ITGAM: variants seen among roughly 807,000 people sequenced by gnomAD.
The protein encoded by ITGAM is integrin subunit alpha M.
ITGAM carries 79 observed loss-of-function variants against 137.5 expected under a neutral mutation model. The ratio of observed to expected loss-of-function variants is 0.57; its 90% CI spans 0.48 to 0.69. The LOEUF (loss-of-function observed/expected upper bound fraction) is 0.69, where lower values mean the gene tolerates loss of function less well. Ranked by LOEUF, ITGAM falls within the 30% of genes least tolerant of loss-of-function variation. The pLI, the probability that ITGAM is intolerant of heterozygous loss-of-function variation, is 0.00. For missense variants in ITGAM, 1,343 were observed against 1,483.5 expected, an observed-to-expected ratio of 0.91 and a Z score of 1.56; for synonymous variants, 583 against 592.3, an observed-to-expected ratio of 0.98 and a Z score of 0.23.
At chr16:31,321,218 C>T (rs774611621) in intron 14 of ITGAM, 23 bp from the exon 15 acceptor site, 6 of 1,613,368 alleles carry the variant, frequency 3.7e-6, no homozygotes, top group Admixed American at 3.3e-5. Context: ...CTTTCTCTCT[C>T]CACACCTCTT....
chr16:31,289,616 G>A (rs2080065300), intron 12 of ITGAM, among the ~76,000 whole-genome samples: 1 of 152,160 alleles, frequency 6.6e-6, no homozygotes, highest in Non-Finnish European at 1.5e-5. Context: ...TGGGGTGGGG[G>A]AAGGGAGGAG....
At chr16:31,270,688 C>CGTGT (rs200125675) in intron 5 of ITGAM, among the ~76,000 whole-genome samples, 670 of 30,490 alleles carry the variant, frequency 0.022, 107 homozygotes, top group African/African-American at 0.079. Flanking sequence ...TAATTTTTAA[C>CGTGT]GTGTGTGTGT....
intron 12 of ITGAM, among the ~76,000 whole-genome samples, chr16:31,285,675 A>G (rs1483851791): frequency 6.6e-6 from 1 of 152,042 alleles, no homozygotes; most frequent in Non-Finnish European, 1.5e-5. Context: ...TTTGGGGTAC[A>G]TGTATAGGCT....
At position 31,270,837 on chromosome 16, in the gene ITGAM, A is replaced by AT. The variant is rs907042241; in HGVS notation, c.428-111dup. ...ATTTATATATATATTTAACATCTAT[A>AT]TTTTTTATAGAGACGGGGTCCTATA... On this transcript the variant is annotated intron_variant, in intron 5 of 29. Coordinates refer to ENST00000544665, the MANE Select transcript of ITGAM (RefSeq NM_000632.4). 3.1e-5 allele frequency: 12 copies of AT among 390,770 alleles called. No individual in the cohort carries two copies. In the East Asian group the frequency reaches 5.8e-4, roughly 19 times the overall value. 24.2% of individuals were successfully genotyped at this position (390,770 alleles called of 1,614,324 possible). A position where few individuals can be genotyped will look rare whatever the true frequency, so the allele number is the denominator to read the frequency against.
At position 31,260,017 on chromosome 16, in the gene ITGAM, C is replaced by T; in HGVS notation, c.-48C>T. 2 of 1,550,260 alleles carry T rather than the reference C, an allele frequency of 1.3e-6. No individual in the cohort carries two copies. The highest frequency in any genetic ancestry group is 1.8e-6 in the Non-Finnish European group (2 of 1,139,190). On this transcript the variant is annotated 5_prime_UTR_variant, in exon 1 of 30. Transcript: ENST00000544665. ...GCTTCCTTGTGGTTCCTCAGTGGTGCCTGCAACCCCTGGTTCACCTCCTTC... is the reference window on the plus strand; with the variant it reads ...GCTTCCTTGTGGTTCCTCAGTGGTGTCTGCAACCCCTGGTTCACCTCCTTC...
intron 24 of ITGAM, among the ~76,000 whole-genome samples, chr16:31,329,562 G>A (rs1479733054): frequency 1.3e-5 from 2 of 152,196 alleles, no homozygotes; most frequent in South Asian, 2.1e-4. Context: ...AAGAAACTGA[G>A]GCTCAGAGAG....
intron 14 of ITGAM, among the ~76,000 whole-genome samples, chr16:31,315,171 T>C (rs1272576328): frequency 1.3e-5 from 2 of 152,154 alleles, no homozygotes; most frequent in African/African-American, 4.8e-5. Context: ...TCTTTATGTG[T>C]TATGGATATT....
intron 14 of ITGAM, among the ~76,000 whole-genome samples, chr16:31,307,200 T>C (rs571650811): frequency 6.6e-6 from 1 of 152,284 alleles, no homozygotes; most frequent in Non-Finnish European, 1.5e-5. Flanking sequence ...ATTGGTAGCT[T>C]GATGGGGATG....
At chr16:31,271,693 G>T (rs1228420540) in intron 6 of ITGAM, among the ~76,000 whole-genome samples, 154 bp from the exon 7 acceptor site, 1 of 152,188 alleles carries the variant, frequency 6.6e-6, no homozygotes, top group Admixed American at 6.5e-5. Flanking sequence ...GGGAGCTGCT[G>T]GCAGCTCTCC....
At chr16:31,297,084 C>T (rs901673236) in intron 12 of ITGAM, among the ~76,000 whole-genome samples, 17 of 152,186 alleles carry the variant, frequency 1.1e-4, no homozygotes, top group Non-Finnish European at 1.8e-4. Flanking sequence ...TAATAATCTC[C>T]CAGGAATACC....
intron 23 of ITGAM, chr16:31,328,973 G>A (rs2080545171): frequency 1.7e-6 from 1 of 575,958 alleles, no homozygotes; most frequent in Admixed American, 3.1e-5. Context: ...TGTGTCTGAG[G>A]GTCTGTGTGC....
At chr16:31,315,166 A>T (rs1465386208) in intron 14 of ITGAM, among the ~76,000 whole-genome samples, 1 of 151,820 alleles carries the variant, frequency 6.6e-6, no homozygotes, top group East Asian at 1.9e-4. Flanking sequence ...TGAGTTCTTT[A>T]TGTGTTATGG....
intron 3 of ITGAM, 136 bp downstream of exon 3, chr16:31,265,634 TCTCTACCCTAGACATCCCCAGGCAAC>T: frequency 1.3e-6 from 1 of 749,242 alleles, no homozygotes; most frequent in Non-Finnish European, 2.2e-6. Flanking sequence ...CTGCCTGCAG[TCTCTACCCTAGACATCCCCAGGCAAC>T]CCCTCTGTGT....
rs1489526683 is a variant in ITGAM at position 31,331,411 on chromosome 16, T to C, written c.3387+136T>C. 3 of 681,436 alleles carry C rather than the reference T, an allele frequency of 4.4e-6. No individual in the cohort carries two copies. The South Asian group carries it at 5.3e-5, about 12-fold the overall frequency. 42.2% of individuals were successfully genotyped at this position (681,436 alleles called of 1,614,324 possible). ...CTGGGAGCCTCTCTGCGCCTCAGTC[T>C]CTTAGGGAGGGTGGCCGGGTTCATG... On this transcript the variant is annotated intron_variant, in intron 29 of 29. Coordinates refer to ENST00000544665, the MANE Select transcript of ITGAM (RefSeq NM_000632.4).
intron 14 of ITGAM, among the ~76,000 whole-genome samples, chr16:31,316,724 AT>A (rs1212979539): frequency 6.6e-6 from 1 of 152,192 alleles, no homozygotes; most frequent in Admixed American, 6.5e-5. Flanking sequence ...CTTTAAAAAT[AT>A]TCTTTCAATC....
chr16:31,313,728 C>T (rs2080360468), intron 14 of ITGAM, among the ~76,000 whole-genome samples: 1 of 151,970 alleles, frequency 6.6e-6, no homozygotes, highest in Non-Finnish European at 1.5e-5. Context: ...ATTTATAATC[C>T]TTTGGGTATA....
chr16:31,325,214 C>G lies in ITGAM; in HGVS notation c.2364-49C>G, dbSNP rs1288634665. On this transcript the variant is annotated intron_variant, in intron 19 of 29. Coordinates refer to ENST00000544665, the MANE Select transcript of ITGAM (RefSeq NM_000632.4). ...CTGTTCTGCTGGAGCAGGCTTGCCA[C>G]AGGGAAGCCCAGCGCCCCATCCCCC... 7 of 1,571,534 alleles carry G rather than the reference C, an allele frequency of 4.5e-6. No individual in the cohort carries two copies. In the African/African-American group the frequency reaches 9.5e-5, roughly 21 times the overall value.
rs750451834 is a variant in ITGAM, at chr16:31,331,934, TGTGA to T, written c.*231_*234del. On this transcript the variant is annotated 3_prime_UTR_variant, in exon 30 of 30. Coordinates refer to ENST00000544665, the MANE Select transcript of ITGAM (RefSeq NM_000632.4). ...GTGCATGTGCACTTGCACGCCCATG[TGTGA>T]GTGTGTGCAAGTATGTGAGTGTGTC... 4.1e-4 allele frequency: 232 copies of T among 563,870 alleles called. No individual in the cohort carries two copies. Among genetic ancestry groups the T allele is most frequent in the Non-Finnish European group, 6.6e-4 (209 of 318,966 alleles). 34.9% of individuals were successfully genotyped at this position (563,870 alleles called of 1,614,324 possible).
intron 12 of ITGAM, among the ~76,000 whole-genome samples, chr16:31,281,698 G>T (rs2079971204): frequency 6.6e-6 from 1 of 152,080 alleles, no homozygotes; most frequent in East Asian, 1.9e-4. Context: ...TTTTTGAAGG[G>T]TTTTTTGTGT....
Sources: allele counts gnomAD v4.1 joint callset (sites outside exome capture counted in the v4.1 genomes callset), GRCh38; gene constraint gnomAD v4.1.1; transcripts MANE v1.5; gene names NCBI Gene and HGNC (gene_info 2026-07-23, HGNC 2026-07-21).